The following BCL2L14 variants were observed in gnomAD, a reference collection of about 807,000 sequenced individuals.
BCL2L14 encodes apoptosis facilitator Bcl-2-like protein 14.
A neutral mutation model predicts 35.3 loss-of-function variants in BCL2L14; 27 were observed. The ratio of observed to expected loss-of-function variants is 0.76; its 90% confidence interval spans 0.56 to 1.05. BCL2L14 has a LOEUF of 1.05. BCL2L14 is among the 50% of genes least tolerant of loss of function. The probability of loss-of-function intolerance (pLI) is 0.00; values close to 1 mark genes in which losing one functional copy is unlikely to be tolerated. For synonymous variants in BCL2L14, 139 were observed against 145.9 expected, an observed-to-expected ratio of 0.95 and a Z score of 0.34; for missense variants, 377 against 382.6, an observed-to-expected ratio of 0.99 and a Z score of 0.12.
intron 1 of BCL2L14, among the ~76,000 whole-genome samples, chr12:12,077,284 G>A (rs117707954): frequency 0.024 from 3,665 of 152,272 alleles, 81 homozygotes; most frequent in East Asian, 0.093. Context: ...GCTCATGGCT[G>A]TAATCTCAGC....
At chr12:12,069,707 CAAA>C (rs34941963), upstream of BCL2L14, among the ~76,000 whole-genome samples, 59 of 117,320 alleles carry the variant, frequency 5.0e-4, no homozygotes, top group Admixed American at 7.9e-4. Context: ...GACTCCGTCT[CAAA>C]AAAAAAAAAA....
In BCL2L14 at chr12:12,050,295, T is replaced by G. The variant is rs551035603; in HGVS notation, c.-324+341T>G. ...TGAAAGAGCCTCAATTAGCTGGGCG[T>G]GGTGGCGGGCGCATGTAGTCCCAGC... is the stretch of plus-strand genomic sequence containing the variant. On this transcript the variant is annotated intron_variant, in intron 1 of 3. Coordinates refer to the BCL2L14 transcript ENST00000461264. Among the ~76,000 whole-genome samples, 483 of 151,302 alleles carry G rather than the reference T, an allele frequency of 3.2e-3. 5 individuals are homozygous for G. The highest frequency in any genetic ancestry group is 6.9e-3 in the Middle Eastern group (2 of 288).
At chr12:12,053,195 A>C (rs912288036) in intron 2 of BCL2L14, among the ~76,000 whole-genome samples, 1 of 152,202 alleles carries the variant, frequency 6.6e-6, no homozygotes, top group African/African-American at 2.4e-5. Context: ...AGATAGATAG[A>C]ATTTTTATTA....
At chr12:12,093,108 T>C (rs1026070663) in intron 4 of BCL2L14, among the ~76,000 whole-genome samples, 1 of 152,080 alleles carries the variant, frequency 6.6e-6, no homozygotes. Flanking sequence ...TTTAAAGGCG[T>C]GGTAGTTCAA....
chr12:12,088,512 G>C (rs1408614909), intron 3 of BCL2L14, among the ~76,000 whole-genome samples: 3 of 152,184 alleles, frequency 2.0e-5, no homozygotes, highest in African/African-American at 7.2e-5. Context: ...TATTGGCACA[G>C]CTGCCAACAT....
At chr12:12,081,117 G>A (rs1423980577) in intron 2 of BCL2L14, among the ~76,000 whole-genome samples, 1 of 152,080 alleles carries the variant, frequency 6.6e-6, no homozygotes, top group African/African-American at 2.4e-5. Flanking sequence ...AGCCTGGGAA[G>A]TAGAGGTTGC....
chr12:12,062,093 T>C (rs374012904), intron 2 of BCL2L14, among the ~76,000 whole-genome samples: 12 of 151,702 alleles, frequency 7.9e-5, no homozygotes, highest in African/African-American at 1.2e-4. Context: ...ATGCTCAACT[T>C]ACTCTCTACA....
intron 2 of BCL2L14, among the ~76,000 whole-genome samples, chr12:12,057,330 C>T (rs921961399): frequency 6.6e-6 from 1 of 152,204 alleles, no homozygotes; most frequent in African/African-American, 2.4e-5. Flanking sequence ...ATAAGCATAT[C>T]TCTATAAAAT....
chr12:12,053,184 G>GAGAT (rs953822304), intron 2 of BCL2L14, among the ~76,000 whole-genome samples: 49 of 152,302 alleles, frequency 3.2e-4, no homozygotes, highest in African/African-American at 1.2e-3. Context: ...ACAGCCCTGT[G>GAGAT]AGATAGATAG....
chr12:12,068,225 A>G (rs1948616947), upstream of BCL2L14: 1 of 398,496 alleles, frequency 2.5e-6, no homozygotes, highest in Non-Finnish European at 4.4e-6. Flanking sequence ...GATTGCAGGT[A>G]TGAGCCACTG....
intron 2 of BCL2L14, among the ~76,000 whole-genome samples, chr12:12,060,174 G>C (rs1358789351): frequency 6.6e-6 from 1 of 151,128 alleles, no homozygotes; most frequent in Non-Finnish European, 1.5e-5. Context: ...CACCCGGTCC[G>C]GCTTACAGTT....
At chr12:12,067,376 C>T (rs1350382812), upstream of BCL2L14, among the ~76,000 whole-genome samples, 3 of 152,062 alleles carry the variant, frequency 2.0e-5, no homozygotes, top group Non-Finnish European at 4.4e-5. Context: ...CATAGTGAAA[C>T]CCCGTCTTTA....
intron 2 of BCL2L14, among the ~76,000 whole-genome samples, chr12:12,085,507 G>A (rs1000230812): frequency 4.6e-5 from 7 of 152,196 alleles, no homozygotes; most frequent in Admixed American, 2.0e-4. Flanking sequence ...CTTAAAAAAC[G>A]AGGAGGAAAG....
upstream of BCL2L14, among the ~76,000 whole-genome samples, chr12:12,068,694 C>G (rs1948622774): frequency 6.6e-6 from 1 of 151,898 alleles, no homozygotes. Context: ...TGGGGTCTTA[C>G]TATCACAGCG....
At chr12:12,060,886 C>G (rs61923177) in intron 2 of BCL2L14, among the ~76,000 whole-genome samples, 7,262 of 78,500 alleles carry the variant, frequency 0.093, 1,146 homozygotes, top group Middle Eastern at 0.11. Flanking sequence ...TCGGAAGTCC[C>G]GTAGACCATC....
At chr12:12,081,802 C>A (rs951027997) in intron 2 of BCL2L14, among the ~76,000 whole-genome samples, 1 of 152,082 alleles carries the variant, frequency 6.6e-6, no homozygotes, top group Non-Finnish European at 1.5e-5. Flanking sequence ...CGTGATCTGC[C>A]CACCTTGGGC....
Position 12,079,397 on chromosome 12 carries a change from C to A in BCL2L14, c.92C>A (p.Thr31Asn). ...TIEFKILAYY[T>N]RHHVFKSTPA... is the part of the protein sequence containing the mutation. ...GAATTCAAAATCCTCGCCTACTACACCAGACATCATGTCTTCAAGAGCACC... is the reference window on the plus strand; with the variant it reads ...GAATTCAAAATCCTCGCCTACTACAACAGACATCATGTCTTCAAGAGCACC... The change falls in exon 2 of 6, where the codon ACC becomes AAC. Residue 31 changes from threonine (T) to asparagine (N), a missense_variant. Physicochemically the swap from Thr to Asn is moderately conservative, Grantham distance 65. Coordinates refer to ENST00000308721, the MANE Select transcript of BCL2L14 (RefSeq NM_138723.2). 6.2e-7 allele frequency: 1 copy of A among 1,614,166 alleles called. No individual in the cohort carries two copies. The highest frequency in any genetic ancestry group is 8.5e-7 in the Non-Finnish European group (1 of 1,180,016).
intron 2 of BCL2L14, among the ~76,000 whole-genome samples, chr12:12,054,455 G>A (rs950577577): frequency 6.7e-6 from 1 of 150,106 alleles, no homozygotes; most frequent in Admixed American, 6.7e-5. Context: ...AGTGAGCCGA[G>A]ATCATGCCAC....
chr12:12,087,313 A>C lies in BCL2L14; in HGVS notation c.534A>C (p.Lys178Asn). 6.2e-7 allele frequency: 1 copy of C among 1,614,074 alleles called. No individual in the cohort carries two copies. Among genetic ancestry groups the C allele is most frequent in the Non-Finnish European group, 8.5e-7 (1 of 1,179,910 alleles). Reference protein sequence around the residue: ...QATQAGGFKSKEIFVTEGLSF... With the variant: ...QATQAGGFKSNEIFVTEGLSF... ...CCCAGGCAGGAGGCTTCAAGTCCAA[A>C]GAGATTTTTGTAACTGAGGGTCTCT... is the stretch of plus-strand genomic sequence containing the variant. Residue 178 changes from lysine (K) to asparagine (N), a missense_variant, in exon 3 of 6, where the codon AAA (lysine) becomes AAC (asparagine). Physicochemically the swap from Lys to Asn is moderately conservative, Grantham distance 94. Coordinates refer to ENST00000308721, the MANE Select transcript of BCL2L14 (RefSeq NM_138723.2).
Sources: gnomAD v4.1 joint callset for allele counts (sites outside exome capture counted in the v4.1 genomes callset) on GRCh38, gnomAD v4.1.1 for gene constraint, MANE v1.5 for transcripts, NCBI Gene and HGNC (gene_info 2026-07-23, HGNC 2026-07-21) for gene names.